Variants in SLCO1C1 observed in about 807,000 individuals in gnomAD.
The protein encoded by SLCO1C1 is solute carrier organic anion transporter family member 1C1, also known as OAT-RP-5.
A neutral mutation model predicts 76.4 loss-of-function variants in SLCO1C1; 70 were observed. The ratio of observed to expected loss-of-function variants is 0.92; its 90% CI spans 0.76 to 1.12. The LOEUF is 1.12. Among genes scored for constraint, SLCO1C1 ranks in the 50% most tolerant of loss-of-function variants. SLCO1C1 has a pLI of 0.00. For missense variants in SLCO1C1, 912 were observed against 823.8 expected (o/e 1.11, Z -1.31); for synonymous variants, 306 against 286.1 (o/e 1.07, Z -0.70).
At chr12:20,702,700 A>AG (rs2120615992) in intron 3 of SLCO1C1, among the ~76,000 whole-genome samples, 1 of 151,916 alleles carries the variant, frequency 6.6e-6, no homozygotes, top group South Asian at 2.1e-4. Context: ...CACTGAGTGA[A>AG]GGGCCAAAGA....
At chr12:20,737,370 C>G in intron 11 of SLCO1C1, 98 bp downstream of exon 11, 1 of 1,265,988 alleles carries the variant, frequency 7.9e-7, no homozygotes, top group South Asian at 1.7e-5. Flanking sequence ...TAGTAGGAGG[C>G]TTGCCTCTTA....
rs71039977 is a variant in SLCO1C1 at position 20,724,407 on chromosome 12, GTGTGTATATATATATA to G, written c.1186+1155_1186+1170del. ...TGATATATATAATGTGTGTGTGTGT[GTGTGTATATATATATA>G]TATATATATATATATATATATATAT... On this transcript the variant is annotated intron_variant, in intron 9 of 14. Transcript: ENST00000266509. Among the ~76,000 whole-genome samples the G allele has an allele frequency of 7.7e-3, 349 of 45,344 alleles. 6 individuals carry two copies. Among genetic ancestry groups the G allele is most frequent in the South Asian group, 0.036 (44 of 1,208 alleles). 29.7% of individuals were successfully genotyped at this position (45,344 alleles called of 152,430 possible).
rs578035725 is a variant in SLCO1C1, at chr12:20,735,363, A to G, written c.1383-1744A>G. ...GGTTTGTCACTAGCAAGCAGTGTGAATTTGAGCATGTTACCCACCCACGTA... is the reference window on the plus strand; with the variant it reads ...GGTTTGTCACTAGCAAGCAGTGTGAGTTTGAGCATGTTACCCACCCACGTA... On this transcript the variant is annotated intron_variant, in intron 10 of 14. Coordinates refer to ENST00000266509, the MANE Select transcript of SLCO1C1 (RefSeq NM_017435.5). Among the ~76,000 whole-genome samples, 11 of 152,230 alleles carry G rather than the reference A, an allele frequency of 7.2e-5. 1 individual carries two copies. In the South Asian group the frequency reaches 2.3e-3, roughly 32 times the overall value.
rs764370693 is a variant in SLCO1C1, at chr12:20,721,837, G to A, written c.809G>A (p.Trp270Ter). 1 of 1,614,132 alleles carries A rather than the reference G, an allele frequency of 6.2e-7. No individual in the cohort carries two copies. Among genetic ancestry groups the A allele is most frequent in the Non-Finnish European group, 8.5e-7 (1 of 1,180,032 alleles). ...HITITPKDPQWVGAWWLGYLI... is the reference protein window; with the variant it reads ...HITITPKDPQ ...ACCATTACCCCAAAAGATCCCCAGT[G>A]GGTAGGAGCCTGGTGGCTTGGCTAT... The change falls in exon 8 of 15, where the codon TGG becomes TAG. Residue 270 changes from tryptophan (W) to a stop codon, truncating the protein, a stop_gained. Transcript: ENST00000266509. LOFTEE classifies it high-confidence loss of function.
intron 13 of SLCO1C1, 83 bp downstream of exon 13, chr12:20,743,452 C>G: frequency 8.8e-7 from 1 of 1,132,502 alleles, no homozygotes; most frequent in Non-Finnish European, 1.3e-6. Flanking sequence ...ACAGAATTGC[C>G]ATGCATAAAT....
Position 20,701,445 on chromosome 12 carries a change from G to A in SLCO1C1, c.257G>A (p.Gly86Asp). 6.6e-7 allele frequency: 1 copy of A among 1,506,064 alleles called. No individual in the cohort carries two copies. Among genetic ancestry groups the A allele is most frequent in the Non-Finnish European group, 9.0e-7 (1 of 1,109,102 alleles). 93.3% of individuals were successfully genotyped at this position (1,506,064 alleles called of 1,614,324 possible). The change falls in exon 3 of 15, where the codon GGT becomes GAT. Residue 86 changes from glycine to aspartate, a missense_variant. Physicochemically the swap from Gly to Asp is moderately conservative, Grantham distance 94 (BLOSUM62 -1). Coordinates refer to ENST00000266509, the MANE Select transcript of SLCO1C1 (RefSeq NM_017435.5). ...TCTTCACTGGTGGGAGTTATTGATG[G>A]TAGTTTTGAAATTGGTAGGTATTAC... ...IPSSLVGVID[G>D]SFEIGNLLVI... is the part of the protein sequence containing the mutation.
At chr12:20,732,684 T>C (rs1948344509) in intron 9 of SLCO1C1, among the ~76,000 whole-genome samples, 1 of 152,202 alleles carries the variant, frequency 6.6e-6, no homozygotes, top group Non-Finnish European at 1.5e-5. Context: ...TCATTTGGTA[T>C]TTATTAATTT....
chr12:20,721,686 T>G (rs1947681800), intron 7 of SLCO1C1, 118 bp from the exon 8 acceptor site: 3 of 1,248,450 alleles, frequency 2.4e-6, no homozygotes, highest in African/African-American at 1.5e-5. Flanking sequence ...ATAGCATAGA[T>G]GAATTATTAG....
At chr12:20,725,292 TTATAA>T (rs1046394497) in intron 9 of SLCO1C1, among the ~76,000 whole-genome samples, 2 of 142,302 alleles carry the variant, frequency 1.4e-5, no homozygotes, top group East Asian at 4.0e-4. Flanking sequence ...ATTATATTAT[TTATAA>T]TATATTATAG....
intron 1 of SLCO1C1, 71 bp from the exon 2 acceptor site, chr12:20,699,481 C>A: frequency 7.9e-7 from 1 of 1,267,202 alleles, no homozygotes; most frequent in Non-Finnish European, 1.1e-6. Flanking sequence ...TTGTGGTATA[C>A]TGTTGAATAA....
chr12:20,752,112 T>C (rs1275007106), intron 14 of SLCO1C1, among the ~76,000 whole-genome samples, 194 bp from the exon 15 acceptor site: 1 of 152,186 alleles, frequency 6.6e-6, no homozygotes, highest in Non-Finnish European at 1.5e-5. Flanking sequence ...CTAAAAATGA[T>C]GGTGCTACTA....
chr12:20,731,245 A>ATTCCTATAAT (rs895362577), intron 9 of SLCO1C1, among the ~76,000 whole-genome samples: 3 of 152,160 alleles, frequency 2.0e-5, no homozygotes, highest in African/African-American at 4.8e-5. Context: ...GCTTCTTTCT[A>ATTCCTATAAT]TTCCTATAAT....
intron 3 of SLCO1C1, among the ~76,000 whole-genome samples, chr12:20,704,771 A>T (rs1236731863): frequency 6.6e-6 from 1 of 151,858 alleles, no homozygotes; most frequent in East Asian, 1.9e-4. Context: ...GGAAATGAGG[A>T]GAACTTCAAA....
chr12:20,720,876 A>G (rs147823449), intron 7 of SLCO1C1, among the ~76,000 whole-genome samples: 17 of 152,130 alleles, frequency 1.1e-4, no homozygotes, highest in Admixed American at 1.1e-3. Context: ...ACATGCCTGT[A>G]ATCCCAGCTA....
In SLCO1C1 at chr12:20,705,964, T is replaced by A; in HGVS notation, c.287T>A (p.Ile96Lys). The change falls in exon 4 of 15, where the codon ATA (isoleucine) becomes AAA (lysine). Residue 96 changes from isoleucine to lysine, a missense_variant. Transcript: ENST00000266509. Reference sequence around the variant, plus strand: ...TTCCTCAAAGGGAATCTCTTAGTTATAACATTTGTTAGCTACTTTGGAGCC... The same window carrying A: ...TTCCTCAAAGGGAATCTCTTAGTTAAAACATTTGTTAGCTACTTTGGAGCC... ...GSFEIGNLLV[I>K]TFVSYFGAKL... 1.2e-6 allele frequency: 2 copies of A among 1,613,200 alleles called. No individual in the cohort carries two copies. The highest frequency in any genetic ancestry group is 1.7e-6 in the Non-Finnish European group (2 of 1,179,344).
At position 20,699,778 on chromosome 12, in the gene SLCO1C1, T is replaced by C. The variant is rs115482256; in HGVS notation, c.129+73T>C. 1,590 of 1,425,134 alleles carry C rather than the reference T, an allele frequency of 1.1e-3. 18 individuals are homozygous for C. The African/African-American group carries it at 0.021, about 19-fold the overall frequency. 88.3% of individuals were successfully genotyped at this position (1,425,134 alleles called of 1,614,324 possible). On this transcript the variant is annotated intron_variant, in intron 2 of 14. Transcript: ENST00000266509. ...CCAGATATCATCTATATAATGAAGT[T>C]AGAATGAGAATTGTTTTCTCCTTTA...
rs753999911 is a variant in SLCO1C1 at position 20,740,265 on chromosome 12, G to C, written c.1630G>C (p.Asp544His). The stretch of plus-strand genomic sequence containing the variant: ...AGGCATAGTGGGAAGATGTCAGAAA[G>C]ACAATGGATGTCCCCAAATGTTTCT... The part of the protein sequence containing the change: ...SSGIVGRCQK[D>H]NGCPQMFLYF... The change falls in exon 12 of 15, where the codon GAC becomes CAC. Residue 544 changes from aspartate (D) to histidine (H), a missense_variant. Transcript: ENST00000266509. 3.1e-6 allele frequency: 5 copies of C among 1,613,806 alleles called. No homozygotes were observed. The highest frequency in any genetic ancestry group is 3.3e-5 in the Admixed American group (2 of 59,952).
At chr12:20,728,353 T>C (rs965277463) in intron 9 of SLCO1C1, among the ~76,000 whole-genome samples, 4 of 152,062 alleles carry the variant, frequency 2.6e-5, no homozygotes, top group Non-Finnish European at 5.9e-5. Context: ...AATTTAAGCT[T>C]CTCCTATAAA....
chr12:20,696,637 C>G (rs1247736480), intron 1 of SLCO1C1: 2 of 152,142 alleles, frequency 1.3e-5, no homozygotes, highest in Non-Finnish European at 2.9e-5. Context: ...TGGATGAAAA[C>G]TGTCGTATGT....
Sources: allele counts gnomAD v4.1 joint callset (sites outside exome capture counted in the v4.1 genomes callset), GRCh38; gene constraint gnomAD v4.1.1; transcripts MANE v1.5; gene names NCBI Gene and HGNC (gene_info 2026-07-23, HGNC 2026-07-21).